The following SULF2 variants were observed in gnomAD, a reference collection of about 807,000 sequenced individuals.
The protein encoded by SULF2 is sulfatase 2.
A neutral mutation model predicts 107.7 loss-of-function variants in SULF2; 52 were observed. That is an observed-to-expected ratio of 0.48 (90% CI 0.39 to 0.61). The LOEUF (loss-of-function observed/expected upper bound fraction) is 0.61, where lower values mean the gene tolerates loss of function less well. Ranked by LOEUF, SULF2 falls within the 20% of genes least tolerant of loss-of-function variation. SULF2 has a pLI of 0.00. For synonymous variants in SULF2, 460 were observed against 464.3 expected (o/e 0.99, Z 0.12); for missense variants, 993 against 1,177.3 (o/e 0.84, Z 2.29).
intron 1 of SULF2, among the ~76,000 whole-genome samples, chr20:47,766,425 GTCAT>G (rs2090529357): frequency 6.6e-6 from 1 of 152,228 alleles, no homozygotes; most frequent in Non-Finnish European, 1.5e-5. Flanking sequence ...CAATAGAAGG[GTCAT>G]TCAGAGGGAG....
At chr20:47,673,389 C>T (rs972835103) in intron 10 of SULF2, among the ~76,000 whole-genome samples, 24 of 152,134 alleles carry the variant, frequency 1.6e-4, no homozygotes, top group Admixed American at 1.4e-3. Context: ...ATTACTGTGC[C>T]GATTCAAGAT....
chr20:47,761,744 C>T (rs939669421), intron 1 of SULF2, among the ~76,000 whole-genome samples: 2 of 152,212 alleles, frequency 1.3e-5, no homozygotes, highest in Admixed American at 6.5e-5. Flanking sequence ...CTCTAGCCAT[C>T]GAATCAGTCC....
intron 1 of SULF2, among the ~76,000 whole-genome samples, chr20:47,765,376 A>C (rs1741523): frequency 0.016 from 2,235 of 135,590 alleles, 15 homozygotes; most frequent in African/African-American, 0.029. Flanking sequence ...CAAAACAAAA[A>C]AAAAAAAACA....
intron 3 of SULF2, among the ~76,000 whole-genome samples, chr20:47,705,179 A>G (rs1188024925): frequency 6.6e-6 from 1 of 152,162 alleles, no homozygotes; most frequent in East Asian, 1.9e-4. Context: ...GAGCTGATGA[A>G]ACACCTCCTG....
chr20:47,716,376 G>A (rs897233336), intron 3 of SULF2, among the ~76,000 whole-genome samples: 1 of 152,116 alleles, frequency 6.6e-6, no homozygotes, highest in African/African-American at 2.4e-5. Context: ...GTGGTGGCGG[G>A]CGCCTGTAAT....
rs951097371 is a variant in SULF2 at position 47,657,586 on chromosome 20, ACAT to A, written c.*773_*775del. ...TTCTTTTCAGTACCTTAAAAAAAAAACATCAGTTCTGGGACATAACAAAGAAAT... is the reference window on the plus strand; with the variant it reads ...TTCTTTTCAGTACCTTAAAAAAAAAACAGTTCTGGGACATAACAAAGAAAT... On this transcript the variant is annotated 3_prime_UTR_variant, in exon 21 of 21. Transcript: ENST00000688720. 5 of 152,188 alleles carry A rather than the reference ACAT, an allele frequency of 3.3e-5. No individual in the cohort carries two copies. The highest frequency in any genetic ancestry group is 1.2e-4 in the African/African-American group (5 of 41,448). 9.4% of individuals were successfully genotyped at this position (152,188 alleles called of 1,614,324 possible).
At chr20:47,760,735 TGA>T (rs2090400482) in intron 1 of SULF2, among the ~76,000 whole-genome samples, 1 of 152,206 alleles carries the variant, frequency 6.6e-6, no homozygotes, top group South Asian at 2.1e-4. Flanking sequence ...CAGGTGGCTC[TGA>T]GAGTCACAAT....
rs779379449 is a variant in SULF2 at position 47,666,052 on chromosome 20, G to C, written c.1806-99C>G. ...GGAAGCCCTTGCCGAGGTCTGTCCT[G>C]TCCCCTTCACCCTCGACTTCCACCT... On this transcript the variant is annotated intron_variant, in intron 12 of 20. Coordinates refer to ENST00000688720, the MANE Select transcript of SULF2 (RefSeq NM_001387048.1). The surrounding 1 kb of genome is among the most constrained non-coding windows in gnomAD (Gnocchi z 5.4). 6.3e-7 allele frequency: 1 copy of C among 1,584,336 alleles called. No homozygotes were observed. The highest frequency in any genetic ancestry group is 1.1e-5 in the South Asian group (1 of 89,912).
At chr20:47,717,680 G>T (rs1057416770) in intron 3 of SULF2, among the ~76,000 whole-genome samples, 1 of 152,162 alleles carries the variant, frequency 6.6e-6, no homozygotes, top group Non-Finnish European at 1.5e-5. Flanking sequence ...TCATCCGGCC[G>T]TGGGCTTTTG....
chr20:47,658,172 C>T lies in SULF2; in HGVS notation c.*190G>A. ...AAGCAAAAGCAGGGGCAAAAATGGA[C>T]TTCCTGAAGTTATCTCTGCTCCTGC... On this transcript the variant is annotated 3_prime_UTR_variant, in exon 21 of 21. Transcript: ENST00000688720. The T allele has an allele frequency of 1.6e-6, 1 of 636,608 alleles. No homozygotes were observed. The highest frequency in any genetic ancestry group is 2.8e-6 in the Non-Finnish European group (1 of 354,670). The allele number at this position is 636,608 out of a possible 1,614,324, so 39.4% of individuals were successfully genotyped here.
At chr20:47,734,408 A>G (rs1217705404) in intron 3 of SULF2, among the ~76,000 whole-genome samples, 1 of 152,240 alleles carries the variant, frequency 6.6e-6, no homozygotes, top group African/African-American at 2.4e-5. Flanking sequence ...ATCAATCTAA[A>G]AGGAAAAAAT....
intron 3 of SULF2, among the ~76,000 whole-genome samples, chr20:47,719,509 C>T (rs2089225667): frequency 6.6e-6 from 1 of 152,220 alleles, no homozygotes; most frequent in African/African-American, 2.4e-5. Context: ...TGGGAGCCAA[C>T]ACCATGCCTG....
intron 2 of SULF2, among the ~76,000 whole-genome samples, chr20:47,754,909 C>T (rs2090245522): frequency 6.6e-6 from 1 of 152,200 alleles, no homozygotes; most frequent in Non-Finnish European, 1.5e-5. Context: ...GACCTAGGCT[C>T]ACTGCAGCCT....
chr20:47,711,150 T>C (rs2078388917), intron 3 of SULF2, among the ~76,000 whole-genome samples: 1 of 152,218 alleles, frequency 6.6e-6, no homozygotes, highest in South Asian at 2.1e-4. Context: ...CTCTCCCTGC[T>C]GCAGACATGT....
At chr20:47,704,664 G>A (rs4810660) in intron 3 of SULF2, among the ~76,000 whole-genome samples, 2 of 152,212 alleles carry the variant, frequency 1.3e-5, no homozygotes, top group Non-Finnish European at 2.9e-5. Flanking sequence ...TATTCTAGTC[G>A]TCTCTTTCTA....
At chr20:47,767,414 G>A (rs147064653) in intron 1 of SULF2, among the ~76,000 whole-genome samples, 9,000 of 152,288 alleles carry the variant, frequency 0.059, 292 homozygotes, top group Middle Eastern at 0.11. Context: ...GGAGGCCAAG[G>A]CAGGTGGATC....
At position 47,666,218 on chromosome 20, in the gene SULF2, T is replaced by A; in HGVS notation, c.1805+42A>T. On this transcript the variant is annotated intron_variant, in intron 12 of 20. Coordinates refer to ENST00000688720, the MANE Select transcript of SULF2 (RefSeq NM_001387048.1). The surrounding 1 kb of genome is among the most constrained non-coding windows in gnomAD (Gnocchi z 5.4). ...GTGTGGGAAGCCCTTTGCCGAGGTC[T>A]GTCCTGTCCCCTTCACCCTCGACTT... is the stretch of plus-strand genomic sequence containing the variant. 6.2e-7 allele frequency: 1 copy of A among 1,611,876 alleles called. No individual in the cohort carries two copies. The highest frequency in any genetic ancestry group is 1.3e-5 in the African/African-American group (1 of 74,470).
rs2087281267 is a variant in SULF2 at position 47,666,563 on chromosome 20, C to A, written c.1577-75G>T. 5.7e-6 allele frequency: 7 copies of A among 1,217,888 alleles called. No homozygotes were observed. In the Admixed American group the frequency reaches 1.3e-4, roughly 22 times the overall value. 75.4% of individuals were successfully genotyped at this position (1,217,888 alleles called of 1,614,324 possible). A position where few individuals can be genotyped will look rare whatever the true frequency, so the allele number is the denominator to read the frequency against. Reference sequence around the variant, plus strand: ...CAGGCTCCCAGGGCAGTGGGTCCTTCATCAAGATAGGGCCGGGCTTCCAAG... The same window carrying A: ...CAGGCTCCCAGGGCAGTGGGTCCTTAATCAAGATAGGGCCGGGCTTCCAAG... On this transcript the variant is annotated intron_variant, in intron 11 of 20. Transcript: ENST00000688720. The surrounding 1 kb of genome is among the most constrained non-coding windows in gnomAD (Gnocchi z 5.4).
rs116404534 is a variant in SULF2, at chr20:47,702,716, C to T, written c.416-46G>A. On this transcript the variant is annotated intron_variant, in intron 3 of 20. Transcript: ENST00000688720. ...GGAGGCCACGTGAGAAAGTGCCTGACGATGTTTATTAAACTATTGTGTGTC... is the reference window on the plus strand; with the variant it reads ...GGAGGCCACGTGAGAAAGTGCCTGATGATGTTTATTAAACTATTGTGTGTC... 1.6e-3 allele frequency: 2,538 copies of T among 1,598,782 alleles called. 31 individuals are homozygous for T. In the African/African-American group the frequency reaches 0.021, roughly 13 times the overall value.
Sources: allele counts gnomAD v4.1 joint callset (sites outside exome capture counted in the v4.1 genomes callset), GRCh38; gene constraint gnomAD v4.1.1; non-coding constraint Gnocchi (gnomAD v3.1); transcripts MANE v1.5; gene names NCBI Gene and HGNC (gene_info 2026-07-23, HGNC 2026-07-21).